The following SRGAP3 variants were observed in gnomAD, a reference collection of about 807,000 sequenced individuals.
SRGAP3 encodes SLIT-ROBO Rho GTPase-activating protein 3.
SRGAP3 carries 39 observed loss-of-function variants against 121.1 expected under a neutral mutation model. That is an observed-to-expected ratio of 0.32 (90% CI 0.25 to 0.42). The LOEUF is 0.42. Among genes scored for constraint, SRGAP3 ranks in the 10% least tolerant of loss-of-function variants. The pLI, the probability that SRGAP3 is intolerant of heterozygous loss-of-function variation, is 1.00. For synonymous variants in SRGAP3, 601 were observed against 570.0 expected (o/e 1.05, Z -0.77); for missense variants, 1,213 against 1,470.6 (o/e 0.82, Z 2.86).
At position 8,985,909 on chromosome 3, in the gene SRGAP3, C is replaced by A; in HGVS notation, c.2910G>T (p.Thr970=). The A allele has an allele frequency of 6.3e-7, 1 of 1,599,666 alleles. No individual in the cohort carries two copies. The highest frequency in any genetic ancestry group is 1.3e-5 in the African/African-American group (1 of 74,988). ...CGAGTTCCCGCAACTCGTGCAGAGC[C>A]GTGCTCATGGTCTTCTCGATGTCCT... ...LAEDIEKTMS[T]ALHELRELER... Residue 970 remains threonine (T), a synonymous_variant, in exon 22 of 22, where the codon ACG becomes ACT. Coordinates refer to ENST00000383836, the MANE Select transcript of SRGAP3 (RefSeq NM_014850.4). The surrounding 1 kb of genome is among the most constrained non-coding windows in gnomAD (Gnocchi z 5.1).
chr3:9,154,596 C>A (rs1462045868), intron 1 of SRGAP3, among the ~76,000 whole-genome samples: 1 of 152,196 alleles, frequency 6.6e-6, no homozygotes, highest in Non-Finnish European at 1.5e-5. Flanking sequence ...TGAAGACTTT[C>A]CTGTTCACGT....
intron 3 of SRGAP3, among the ~76,000 whole-genome samples, chr3:9,259,472 T>A (rs1177244846): frequency 6.6e-6 from 1 of 152,072 alleles, no homozygotes; most frequent in East Asian, 1.9e-4. Context: ...CCCAGCTAAT[T>A]TTTTTATTTT....
At position 9,159,793 on chromosome 3, in the gene SRGAP3, C is replaced by T. The variant is rs113861815; in HGVS notation, c.68-34876G>A. ...CAACTATAAGTGCGCCACATGGAGC[C>T]TTTCCCCAGTGCTTGCCAGAAGAGG... On this transcript the variant is annotated intron_variant, in intron 1 of 21. Transcript: ENST00000383836. Among the ~76,000 whole-genome samples the T allele has an allele frequency of 4.9e-4, 74 of 152,332 alleles. 1 individual carries two copies. The highest frequency in any genetic ancestry group is 1.8e-3 in the African/African-American group (73 of 41,570).
chr3:9,331,880 C>G (rs564063953), intron 1 of SRGAP3, among the ~76,000 whole-genome samples: 2 of 152,016 alleles, frequency 1.3e-5, no homozygotes, highest in African/African-American at 4.8e-5. Context: ...ATAAGTGAGC[C>G]CAGACAAAAT....
intron 3 of SRGAP3, among the ~76,000 whole-genome samples, chr3:9,302,348 C>G (rs1401562945): frequency 6.6e-6 from 1 of 152,190 alleles, no homozygotes; most frequent in Non-Finnish European, 1.5e-5. Flanking sequence ...TGCCTAAACG[C>G]TTGCCCTGCT....
chr3:9,353,488 G>T (rs2030310078), intron 1 of SRGAP3, among the ~76,000 whole-genome samples: 1 of 152,194 alleles, frequency 6.6e-6, no homozygotes, highest in Admixed American at 6.5e-5. Flanking sequence ...TCAAGGAGAA[G>T]AATAAATTTC....
At chr3:9,327,830 T>C (rs1955544280) in intron 2 of SRGAP3, among the ~76,000 whole-genome samples, 1 of 152,224 alleles carries the variant, frequency 6.6e-6, no homozygotes, top group African/African-American at 2.4e-5. Flanking sequence ...GTATGACATG[T>C]TTAGACTTTC....
intron 10 of SRGAP3, among the ~76,000 whole-genome samples, chr3:9,043,413 C>T (rs1418273861): frequency 6.6e-6 from 1 of 152,186 alleles, no homozygotes; most frequent in Admixed American, 6.5e-5. Context: ...CACTATCTCC[C>T]CAGGCCTGGC....
intron 1 of SRGAP3, among the ~76,000 whole-genome samples, chr3:9,128,745 G>A (rs954479467): frequency 6.6e-6 from 1 of 152,182 alleles, no homozygotes; most frequent in South Asian, 2.1e-4. Flanking sequence ...TCATTGAGTG[G>A]AATGATATAC....
intron 2 of SRGAP3, among the ~76,000 whole-genome samples, chr3:9,114,096 G>A (rs73017496): frequency 0.068 from 10,317 of 152,146 alleles, 404 homozygotes; most frequent in African/African-American, 0.083. Context: ...AGCAGGCTTT[G>A]CTTATCAGTT....
rs9881600 is a variant in SRGAP3 at position 9,334,758 on chromosome 3, G to C, written n.215-4162C>G. On this transcript the variant is annotated intron_variant and non_coding_transcript_variant, in intron 1 of 3. Transcript: ENST00000490889. ...ACCCAAATGGAAAGAAAAAAGCACT[G>C]AACCAAAAGTGAAAAGTGATAGGAT... is the stretch of plus-strand genomic sequence containing the variant. Among the ~76,000 whole-genome samples the C allele has an allele frequency of 3.8e-3, 573 of 152,312 alleles. 5 individuals are homozygous for C. The highest frequency in any genetic ancestry group is 0.013 in the African/African-American group (546 of 41,568).
chr3:9,235,269 T>G lies in SRGAP3; in HGVS notation c.67+13616A>C, dbSNP rs529218976. ...CCTATCAGCTTTATTTTTATAACTC[T>G]GCCTTAAAGATCTATGATCCCATTT... On this transcript the variant is annotated intron_variant, in intron 1 of 21. Coordinates refer to ENST00000383836, the MANE Select transcript of SRGAP3 (RefSeq NM_014850.4). Among the ~76,000 whole-genome samples the G allele has an allele frequency of 2.6e-5, 4 of 152,364 alleles. No homozygotes were observed. The East Asian group carries it at 7.7e-4, about 29-fold the overall frequency.
intron 18 of SRGAP3, among the ~76,000 whole-genome samples, chr3:8,999,437 C>G (rs1044697678): frequency 9.2e-5 from 14 of 152,210 alleles, no homozygotes; most frequent in African/African-American, 3.4e-4. Context: ...ATCCCTCCCT[C>G]TAGCCATGCC....
chr3:9,047,709 C>T (rs113035451), intron 9 of SRGAP3, among the ~76,000 whole-genome samples: 69 of 152,152 alleles, frequency 4.5e-4, no homozygotes, highest in Admixed American at 4.6e-4. Flanking sequence ...CCTTTCAGGT[C>T]GGGGGTTAGG....
At chr3:9,341,652 T>C (rs924125585) in intron 1 of SRGAP3, among the ~76,000 whole-genome samples, 2 of 152,186 alleles carry the variant, frequency 1.3e-5, no homozygotes, top group Non-Finnish European at 2.9e-5. Context: ...CACTGATTGC[T>C]ACATTTGTTT....
chr3:9,165,258 A>C (rs1950745448), intron 1 of SRGAP3, among the ~76,000 whole-genome samples: 1 of 152,250 alleles, frequency 6.6e-6, no homozygotes, highest in Non-Finnish European at 1.5e-5. Flanking sequence ...CTGGAGCGAG[A>C]TGCCCACCAT....
intron 10 of SRGAP3, among the ~76,000 whole-genome samples, chr3:9,038,549 C>T (rs1274446322): frequency 6.6e-6 from 1 of 152,244 alleles, no homozygotes; most frequent in African/African-American, 2.4e-5. Flanking sequence ...ATTGACCGAG[C>T]CCCTGTTGTA....
intron 3 of SRGAP3, among the ~76,000 whole-genome samples, chr3:9,082,883 C>G (rs2125273052): frequency 6.6e-6 from 1 of 152,294 alleles, no homozygotes; most frequent in South Asian, 2.1e-4. Flanking sequence ...CAAGAATCAC[C>G]CCTCTGAAGG....
intron 9 of SRGAP3, among the ~76,000 whole-genome samples, chr3:9,048,131 G>A (rs938598444): frequency 2.6e-5 from 4 of 152,268 alleles, no homozygotes; most frequent in Non-Finnish European, 4.4e-5. Context: ...ACCCCAGCCT[G>A]CTTCCTAGTT....
Sources: allele counts gnomAD v4.1 joint callset (sites outside exome capture counted in the v4.1 genomes callset), GRCh38; gene constraint gnomAD v4.1.1; non-coding constraint Gnocchi (gnomAD v3.1); transcripts MANE v1.5; gene names NCBI Gene and HGNC (gene_info 2026-07-23, HGNC 2026-07-21).